Variants in ZFAT observed in about 807,000 individuals in gnomAD.
ZFAT encodes the protein zinc finger protein ZFAT.
Under a neutral mutation model 117.7 loss-of-function variants are expected in ZFAT, and 64 were observed. The observed-to-expected ratio is 0.54, with a 90% CI of 0.44 to 0.67. ZFAT has a LOEUF of 0.67. ZFAT is among the 30% of genes least tolerant of loss of function. ZFAT has a pLI of 0.00. For synonymous variants in ZFAT, 679 were observed against 615.0 expected, an observed-to-expected ratio of 1.10 and a Z score of -1.54; for missense variants, 1,433 against 1,584.5, an observed-to-expected ratio of 0.90 and a Z score of 1.62.
chr8:134,553,506 G>A (rs565393439), intron 11 of ZFAT, among the ~76,000 whole-genome samples: 1 of 152,294 alleles, frequency 6.6e-6, no homozygotes, highest in South Asian at 2.1e-4. Flanking sequence ...CTGTCTCAGT[G>A]ACATATTTAT....
At chr8:134,582,763 C>A (rs1825795271) in intron 10 of ZFAT, among the ~76,000 whole-genome samples, 1 of 152,056 alleles carries the variant, frequency 6.6e-6, no homozygotes, top group South Asian at 2.1e-4. Context: ...AGGGCCCAAC[C>A]CCCACACACA....
At chr8:134,613,573 T>TG (rs770444786) in intron 3 of ZFAT, among the ~76,000 whole-genome samples, 30 of 152,102 alleles carry the variant, frequency 2.0e-4, no homozygotes, top group Non-Finnish European at 3.5e-4. Context: ...ACGGCTGCTT[T>TG]GGGGTGTGCA....
intron 5 of ZFAT, among the ~76,000 whole-genome samples, chr8:134,605,792 TC>T (rs933721833): frequency 9.9e-5 from 15 of 152,162 alleles, no homozygotes; most frequent in African/African-American, 3.4e-4. Flanking sequence ...AAAAAAGTGT[TC>T]CAGGTACTCA....
chr8:134,813,151 CA>C, the ZFAT span, among the ~76,000 whole-genome samples: 1 of 152,198 alleles, frequency 6.6e-6, no homozygotes, highest in South Asian at 2.1e-4. Context: ...AAAATACTTG[CA>C]AAGTTCAGTT....
At chr8:134,784,407 T>C in the ZFAT span, 2 of 152,194 alleles carry the variant, frequency 1.3e-5, no homozygotes, top group African/African-American at 4.8e-5. Context: ...ATTGGAAATA[T>C]ATAAAATATG....
chr8:134,490,113 T>A (rs1178819944), intron 15 of ZFAT, among the ~76,000 whole-genome samples: 1 of 152,236 alleles, frequency 6.6e-6, no homozygotes, highest in Non-Finnish European at 1.5e-5. Context: ...CAAGAGCCCT[T>A]AAGCGACTTC....
At chr8:134,513,835 C>T (rs1158767975) in intron 13 of ZFAT, among the ~76,000 whole-genome samples, 1 of 152,194 alleles carries the variant, frequency 6.6e-6, no homozygotes, top group African/African-American at 2.4e-5. Context: ...CCTTCACAGC[C>T]AACTGGCCAA....
chr8:134,648,594 A>C (rs1012964320), intron 2 of ZFAT, among the ~76,000 whole-genome samples: 1 of 152,126 alleles, frequency 6.6e-6, no homozygotes, highest in Non-Finnish European at 1.5e-5. Context: ...AAGACAAACT[A>C]CTGAACCTAA....
chr8:134,569,775 C>A (rs1313942573), intron 10 of ZFAT, among the ~76,000 whole-genome samples: 1 of 152,198 alleles, frequency 6.6e-6, no homozygotes, highest in Non-Finnish European at 1.5e-5. Context: ...CCCTCCAGAC[C>A]TGTACCTCCC....
chr8:134,688,645 G>A (rs1833451868), intron 1 of ZFAT, among the ~76,000 whole-genome samples: 1 of 152,270 alleles, frequency 6.6e-6, no homozygotes, highest in Admixed American at 6.5e-5. Context: ...CCCTGGGAGG[G>A]AGCAGGGAAT....
chr8:134,564,912 C>A (rs1824318497), intron 11 of ZFAT: 1 of 1,193,588 alleles, frequency 8.4e-7, no homozygotes, highest in South Asian at 1.5e-5. Context: ...GGTGGACACT[C>A]CCGAACACAA....
intron 3 of ZFAT, among the ~76,000 whole-genome samples, chr8:134,626,539 C>A (rs1315299262): frequency 6.6e-6 from 1 of 152,260 alleles, no homozygotes; most frequent in Non-Finnish European, 1.5e-5. Flanking sequence ...GAAGAGGCAG[C>A]GTCACTGGGG....
chr8:134,659,061 G>A (rs1048248427), intron 1 of ZFAT, among the ~76,000 whole-genome samples: 2 of 152,230 alleles, frequency 1.3e-5, no homozygotes, highest in Non-Finnish European at 1.5e-5. Context: ...GCCTCCTGGG[G>A]AGGCTCAACG....
At chr8:134,760,061 A>C in the ZFAT span, among the ~76,000 whole-genome samples, 1 of 151,030 alleles carries the variant, frequency 6.6e-6, no homozygotes, top group African/African-American at 2.4e-5. Flanking sequence ...CGGGCGGATC[A>C]CAAGGTCAGG....
chr8:134,768,895 G>A, the ZFAT span, among the ~76,000 whole-genome samples: 25 of 152,198 alleles, frequency 1.6e-4, no homozygotes, highest in Middle Eastern at 3.4e-3. Flanking sequence ...TCCAAAGGTC[G>A]GGCATAGTGG....
intron 11 of ZFAT, among the ~76,000 whole-genome samples, chr8:134,555,988 G>T (rs527901439): frequency 6.4e-5 from 8 of 124,870 alleles, no homozygotes; most frequent in Admixed American, 5.0e-4. Context: ...GGGAAGGAGG[G>T]AAGGCGGGAG....
At chr8:134,643,263 C>T (rs1226854394) in intron 2 of ZFAT, among the ~76,000 whole-genome samples, 1 of 152,196 alleles carries the variant, frequency 6.6e-6, no homozygotes. Context: ...GACCTGTTTG[C>T]CTCAAAGTCA....
chr8:134,577,514 T>C (rs1825393279), intron 10 of ZFAT, among the ~76,000 whole-genome samples: 1 of 152,236 alleles, frequency 6.6e-6, no homozygotes, highest in African/African-American at 2.4e-5. Flanking sequence ...TGATCTAAGA[T>C]GAAATGGAGA....
intron 11 of ZFAT, among the ~76,000 whole-genome samples, chr8:134,542,619 GGATAT>G (rs1303941584): frequency 3.3e-5 from 5 of 152,226 alleles, no homozygotes; most frequent in Non-Finnish European, 5.9e-5. Context: ...TTGCTGCATA[GGATAT>G]GATCTCACAC....
Sources: allele counts gnomAD v4.1 joint callset (sites outside exome capture counted in the v4.1 genomes callset), GRCh38; gene constraint gnomAD v4.1.1; transcripts MANE v1.5; gene names NCBI Gene and HGNC (gene_info 2026-07-23, HGNC 2026-07-21).